PLCB1: variants seen among roughly 807,000 people sequenced by gnomAD.
The protein encoded by PLCB1 is phospholipase C beta 1.
In PLCB1, 46 loss-of-function variants were observed where a neutral mutation model predicts 161.8. The ratio of observed to expected loss-of-function variants is 0.28; its 90% CI spans 0.22 to 0.36. The LOEUF (loss-of-function observed/expected upper bound fraction) is 0.36, where lower values mean the gene tolerates loss of function less well. Among genes scored for constraint, PLCB1 ranks in the 10% least tolerant of loss-of-function variants. The probability of loss-of-function intolerance (pLI) is 1.00; values close to 1 mark genes in which losing one functional copy is unlikely to be tolerated. For missense variants in PLCB1, 1,016 were observed against 1,472.5 expected, an observed-to-expected ratio of 0.69 and a Z score of 5.07; for synonymous variants, 517 against 503.7, an observed-to-expected ratio of 1.03 and a Z score of -0.35.
intron 19 of PLCB1, among the ~76,000 whole-genome samples, chr20:8,734,562 A>C (rs1243080388): frequency 1.3e-5 from 2 of 151,950 alleles, no homozygotes; most frequent in African/African-American, 2.4e-5. Context: ...AATATATAAA[A>C]ATCATAGATA....
intron 3 of PLCB1, among the ~76,000 whole-genome samples, chr20:8,388,717 G>A (rs140622820): frequency 2.0e-5 from 3 of 152,156 alleles, no homozygotes; most frequent in Admixed American, 2.0e-4. Flanking sequence ...TTTACTAAAT[G>A]GAGCAAAATA....
intron 4 of PLCB1, among the ~76,000 whole-genome samples, chr20:8,633,411 T>TGAG (rs1988663333): frequency 6.6e-6 from 1 of 152,162 alleles, no homozygotes; most frequent in Non-Finnish European, 1.5e-5. Context: ...GTTGGATATA[T>TGAG]GAGCCTGGAG....
At chr20:8,319,053 T>C (rs1024056567) in intron 2 of PLCB1, among the ~76,000 whole-genome samples, 1 of 152,190 alleles carries the variant, frequency 6.6e-6, no homozygotes, top group African/African-American at 2.4e-5. Flanking sequence ...CTTTTAGTAA[T>C]GTAGTGTGTA....
At chr20:8,478,249 C>T (rs1406637033) in intron 3 of PLCB1, among the ~76,000 whole-genome samples, 1 of 152,098 alleles carries the variant, frequency 6.6e-6, no homozygotes, top group Non-Finnish European at 1.5e-5. Flanking sequence ...TTTCATGGCA[C>T]TTGTTGGAGA....
chr20:8,361,411 A>G (rs1298567631), intron 2 of PLCB1, among the ~76,000 whole-genome samples: 1 of 152,084 alleles, frequency 6.6e-6, no homozygotes, highest in African/African-American at 2.4e-5. Flanking sequence ...TTTAATATCT[A>G]GGGCAGAGAT....
chr20:8,283,896 G>A (rs1012115209), intron 2 of PLCB1, among the ~76,000 whole-genome samples: 34 of 151,890 alleles, frequency 2.2e-4, no homozygotes, highest in African/African-American at 6.3e-4. Context: ...CTATATGACC[G>A]TTATCTGTTT....
chr20:8,342,396 G>A (rs1312373986), intron 2 of PLCB1, among the ~76,000 whole-genome samples: 1 of 152,214 alleles, frequency 6.6e-6, no homozygotes, highest in Non-Finnish European at 1.5e-5. Flanking sequence ...AAGATGCACT[G>A]GTCTATATTT....
At chr20:8,197,287 A>G (rs1251062960) in intron 2 of PLCB1, among the ~76,000 whole-genome samples, 2 of 152,116 alleles carry the variant, frequency 1.3e-5, no homozygotes, top group East Asian at 3.9e-4. Flanking sequence ...AACAGTGTAA[A>G]AGTGTTCCTA....
intron 9 of PLCB1, among the ~76,000 whole-genome samples, chr20:8,682,420 C>T (rs1041649500): frequency 6.6e-6 from 1 of 152,046 alleles, no homozygotes; most frequent in Non-Finnish European, 1.5e-5. Context: ...GAGGATTGCC[C>T]GAGCCCAGGA....
rs889013059 is a variant in PLCB1, at chr20:8,544,456, G to C, written c.247-83838G>C. ...ACTACTGCCTAACTTTGTGACCTTG[G>C]ACAAGTCATGTATTGTTCTTGGGAA... On this transcript the variant is annotated intron_variant, in intron 3 of 31. Coordinates refer to ENST00000338037, the MANE Select transcript of PLCB1 (RefSeq NM_015192.4). Among the ~76,000 whole-genome samples, 11 of 152,310 alleles carry C rather than the reference G, an allele frequency of 7.2e-5. No homozygotes were observed. In the East Asian group the frequency reaches 1.9e-3, roughly 27 times the overall value.
At chr20:8,255,080 T>C (rs1261187592) in intron 2 of PLCB1, among the ~76,000 whole-genome samples, 1 of 152,078 alleles carries the variant, frequency 6.6e-6, no homozygotes, top group Non-Finnish European at 1.5e-5. Flanking sequence ...AGGCAAGTAC[T>C]TTATCATCAA....
intron 2 of PLCB1, among the ~76,000 whole-genome samples, chr20:8,226,241 T>C (rs1192743794): frequency 6.6e-6 from 1 of 152,182 alleles, no homozygotes; most frequent in African/African-American, 2.4e-5. Context: ...CAGACCTACT[T>C]CTGTCCACTA....
intron 3 of PLCB1, among the ~76,000 whole-genome samples, chr20:8,611,376 A>C (rs1987898869): frequency 6.6e-6 from 1 of 152,176 alleles, no homozygotes; most frequent in African/African-American, 2.4e-5. Context: ...AGTAAGGTTT[A>C]AAATTAAAAC....
intron 2 of PLCB1, among the ~76,000 whole-genome samples, chr20:8,253,684 G>A (rs1321000143): frequency 6.6e-6 from 1 of 151,880 alleles, no homozygotes; most frequent in Non-Finnish European, 1.5e-5. Flanking sequence ...TGGGAATATT[G>A]CCTAATGATG....
In PLCB1 at chr20:8,338,124, A is replaced by T. The variant is rs550075977; in HGVS notation, c.178-33258A>T. On this transcript the variant is annotated intron_variant, in intron 2 of 31. Coordinates refer to ENST00000338037, the MANE Select transcript of PLCB1 (RefSeq NM_015192.4). ...TCCGGACTGATTCACAGTTCTAGGA[A>T]TTAGCAGGGGCTGTCTGTTTCTATT... is the stretch of plus-strand genomic sequence containing the variant. 4.6e-5 allele frequency among the ~76,000 whole-genome samples: 7 copies of T among 152,304 alleles called. No individual in the cohort carries two copies. The South Asian group carries it at 1.5e-3, about 32-fold the overall frequency.
chr20:8,688,766 A>G (rs762877749), intron 10 of PLCB1, among the ~76,000 whole-genome samples: 1 of 152,188 alleles, frequency 6.6e-6, no homozygotes, highest in Non-Finnish European at 1.5e-5. Context: ...TATAGTTTGA[A>G]ATCAGGTAGT....
chr20:8,553,076 A>T (rs552410261), intron 3 of PLCB1, among the ~76,000 whole-genome samples: 1 of 152,168 alleles, frequency 6.6e-6, no homozygotes, highest in Non-Finnish European at 1.5e-5. Context: ...ACAGGGCTGA[A>T]GATTTATAAG....
At chr20:8,533,256 T>C (rs1212499567) in intron 3 of PLCB1, among the ~76,000 whole-genome samples, 1 of 151,888 alleles carries the variant, frequency 6.6e-6, no homozygotes, top group African/African-American at 2.4e-5. Context: ...CTTAATCCAG[T>C]CTATCATTGT....
chr20:8,733,488 T>A, intron 19 of PLCB1, 96 bp downstream of exon 19: 4 of 1,046,210 alleles, frequency 3.8e-6, no homozygotes, highest in African/African-American at 1.6e-5. Flanking sequence ...ATTTAGTAAC[T>A]AGGAAAGATT....
Sources: allele counts gnomAD v4.1 joint callset (sites outside exome capture counted in the v4.1 genomes callset), GRCh38; gene constraint gnomAD v4.1.1; transcripts MANE v1.5; gene names NCBI Gene and HGNC (gene_info 2026-07-23, HGNC 2026-07-21).